CPT1C: variants seen among roughly 807,000 people sequenced by gnomAD.
CPT1C encodes carnitine palmitoyltransferase 1C.
A neutral mutation model predicts 97.3 loss-of-function variants in CPT1C; 61 were observed. The observed-to-expected ratio is 0.63, with a 90% CI of 0.51 to 0.78. The LOEUF (loss-of-function observed/expected upper bound fraction) is 0.78, where lower values mean the gene tolerates loss of function less well. CPT1C is among the 30% of genes least tolerant of loss of function. The pLI is 0.00. For missense variants in CPT1C, 975 were observed against 1,065.5 expected (o/e 0.92, Z 1.18); for synonymous variants, 469 against 447.2 (o/e 1.05, Z -0.61).
In CPT1C at chr19:49,700,764, C is replaced by A; in HGVS notation, c.362C>A (p.Thr121Lys). ...ASCLWGALIFTLHVALRLLLS... is the reference protein window; with the variant it reads ...ASCLWGALIFKLHVALRLLLS... Reference sequence around the variant, plus strand: ...TGTTTGTGGGGAGCCCTGATCTTCACACTGCACGTGGCCCTGAGGCTGCTT... The same window carrying A: ...TGTTTGTGGGGAGCCCTGATCTTCAAACTGCACGTGGCCCTGAGGCTGCTT... The change falls in exon 5 of 20, where the codon ACA becomes AAA. Residue 121 changes from threonine to lysine, a missense_variant. Around this residue, in one of 3 missense-constraint regions of CPT1C, gnomAD observed 596 missense variants for 603.1 expected, o/e 0.99. Transcript: ENST00000598293. 6.2e-7 allele frequency: 1 copy of A among 1,613,314 alleles called. No homozygotes were observed.
chr19:49,706,124 G>C lies in CPT1C; in HGVS notation c.1160+20G>C, dbSNP rs746575054. On this transcript the variant is annotated intron_variant, in intron 11 of 19. Coordinates refer to ENST00000598293, the MANE Select transcript of CPT1C (RefSeq NM_001199753.2). The surrounding 1 kb of genome is among the most constrained non-coding windows in gnomAD (Gnocchi z 4.8). ...TCCCAGGTAAGGGTCAGGGGTCAGG[G>C]GTCAGGGGCTCTCAGAGGCCGCCAG... is the stretch of plus-strand genomic sequence containing the variant. 6.2e-7 allele frequency: 1 copy of C among 1,600,546 alleles called. No individual in the cohort carries two copies. Among genetic ancestry groups the C allele is most frequent in the South Asian group, 1.1e-5 (1 of 90,208 alleles).
chr19:49,705,276 G>A lies in CPT1C; in HGVS notation c.942G>A (p.Thr314=), dbSNP rs1352491511. 15 of 1,603,494 alleles carry A rather than the reference G, an allele frequency of 9.4e-6. No individual in the cohort carries two copies. Among genetic ancestry groups the A allele is most frequent in the Admixed American group, 6.7e-5 (4 of 59,540 alleles). ...AGTACGAGAAGATCTTCAACACCAC[G>A]CGGATTCCAGGGGTCCAAAAAGGTG... The part of the protein sequence containing the change: ...SAQYEKIFNT[T]RIPGVQKDYI... The change falls in exon 10 of 20, where the codon ACG becomes ACA. Residue 314 remains threonine (T), a synonymous_variant. Coordinates refer to ENST00000598293, the MANE Select transcript of CPT1C (RefSeq NM_001199753.2).
Position 49,701,645 on chromosome 19 carries a change from C to T in CPT1C, c.693+11C>T, listed in dbSNP as rs776299670. The T allele has an allele frequency of 5.9e-5, 93 of 1,586,048 alleles. 1 individual carries two copies. In the East Asian group the frequency reaches 2.1e-3, roughly 36 times the overall value. ...TGGGCGTCCAATTATGTGAGTCCCG[C>T]CACCGCCACCAACGCCCCACCTGAA... On this transcript the variant is annotated intron_variant, in intron 7 of 19. Transcript: ENST00000598293.
rs111713532 is a variant in CPT1C at position 49,707,557 on chromosome 19, C to T, written c.1383C>T (p.Asn461=). Residue 461 remains asparagine, a synonymous_variant, in exon 13 of 20, where the codon AAC becomes AAT. Coordinates refer to ENST00000598293, the MANE Select transcript of CPT1C (RefSeq NM_001199753.2). The part of the protein sequence containing the change: ...DKSFTLIVFS[N]GKLGLSVEHS... ...CCTTCACCCTAATCGTCTTCTCTAA[C>T]GGGAAGCTGGGCCTCAGCGTGGAGC... The T allele has an allele frequency of 2.2e-4, 353 of 1,613,958 alleles. 2 individuals carry two copies. The African/African-American group carries it at 3.9e-3, about 18-fold the overall frequency.
intron 16 of CPT1C, 115 bp from the exon 17 acceptor site, chr19:49,711,694 A>G (rs1239042284): frequency 9.1e-7 from 1 of 1,094,912 alleles, no homozygotes; most frequent in African/African-American, 1.6e-5. Context: ...AATGGGGTTG[A>G]TATTCCCACC....
chr19:49,708,883 C>T, intron 14 of CPT1C, 44 bp downstream of exon 14: 2 of 1,246,950 alleles, frequency 1.6e-6, no homozygotes, highest in South Asian at 1.2e-5. Context: ...CCCAAGATTC[C>T]TAGCCTTGAC....
In CPT1C at chr19:49,712,176, C is replaced by G. The variant is rs539912943; in HGVS notation, c.2019+215C>G. The G allele has an allele frequency of 7.2e-6, 4 of 555,126 alleles. No homozygotes were observed. In the African/African-American group the frequency reaches 7.6e-5, roughly 10 times the overall value. The allele number at this position is 555,126 out of a possible 1,614,324, so 34.4% of individuals were successfully genotyped here. ...TGGCCAACTTGGCGAAACCCTGTCTCTACTAAAAATACAAAAATTAGCTGG... is the reference window on the plus strand; with the variant it reads ...TGGCCAACTTGGCGAAACCCTGTCTGTACTAAAAATACAAAAATTAGCTGG... On this transcript the variant is annotated intron_variant, in intron 17 of 19. Coordinates refer to ENST00000598293, the MANE Select transcript of CPT1C (RefSeq NM_001199753.2).
In CPT1C at chr19:49,704,703, C is replaced by A; in HGVS notation, c.694-7C>A. ...CCTCACTGTGTGTCTCCCCACCCCG[C>A]TCCCAGGTCAGTGACTGGTGGGAGG... On this transcript the variant is annotated splice_region_variant and splice_polypyrimidine_tract_variant and intron_variant, in intron 7 of 19. Transcript: ENST00000598293. 6.2e-7 allele frequency: 1 copy of A among 1,613,604 alleles called. No individual in the cohort carries two copies. The highest frequency in any genetic ancestry group is 8.5e-7 in the Non-Finnish European group (1 of 1,179,652).
chr19:49,694,858 T>C (rs1271895509), intron 3 of CPT1C, among the ~76,000 whole-genome samples: 2 of 151,222 alleles, frequency 1.3e-5, no homozygotes, highest in Admixed American at 1.3e-4. Flanking sequence ...TGACCATCCT[T>C]GGCCAGGCAT....
intron 4 of CPT1C, among the ~76,000 whole-genome samples, chr19:49,699,905 G>C (rs2082901428): frequency 6.6e-6 from 1 of 152,066 alleles, no homozygotes; most frequent in Non-Finnish European, 1.5e-5. Context: ...AGTGAGCCGA[G>C]ATAGTGCCAC....
At chr19:49,711,037 GT>G in intron 16 of CPT1C, 180 bp downstream of exon 16, 1 of 569,266 alleles carries the variant, frequency 1.8e-6, no homozygotes, top group Non-Finnish European at 3.0e-6. Flanking sequence ...CCAGCATAGT[GT>G]GATATCTGCT....
Position 49,702,031 on chromosome 19 carries a change from A to AT in CPT1C, c.693+398dup, listed in dbSNP as rs1364280963. ...AAATATATTTATTTATAAATTATAA[A>AT]TATATATTTATTTATAAATTATAAA... On this transcript the variant is annotated intron_variant, in intron 7 of 19. Transcript: ENST00000598293. 6.7e-4 allele frequency among the ~76,000 whole-genome samples: 66 copies of AT among 97,898 alleles called. 1 individual carries two copies. The highest frequency in any genetic ancestry group is 4.7e-3 in the East Asian group (20 of 4,300). The allele number at this position is 97,898 out of a possible 152,430, so 64.2% of individuals were successfully genotyped here.
At chr19:49,704,301 A>G (rs7255621) in intron 7 of CPT1C, among the ~76,000 whole-genome samples, 8,991 of 152,216 alleles carry the variant, frequency 0.059, 843 homozygotes, top group African/African-American at 0.2. Context: ...GCTACCGAGT[A>G]GCCGGGATTA....
chr19:49,712,698 A>G (rs2083982279), intron 17 of CPT1C, 38 bp from the exon 18 acceptor site: 1 of 1,455,298 alleles, frequency 6.9e-7, no homozygotes, highest in Admixed American at 1.7e-5. Flanking sequence ...GGAACTGCAG[A>G]TCTCTGTCCT....
chr19:49,692,657 C>T lies in CPT1C; in HGVS notation c.141+264C>T, dbSNP rs10401426. On this transcript the variant is annotated intron_variant, in intron 3 of 19. Coordinates refer to ENST00000598293, the MANE Select transcript of CPT1C (RefSeq NM_001199753.2). ...TGGGCCCCCCAAAAACTACCCACTT[C>T]CAGTTTCTAGAACTCCATATCCTTC... 5.3e-3 allele frequency among the ~76,000 whole-genome samples: 800 copies of T among 152,292 alleles called. 5 individuals are homozygous for T. Among genetic ancestry groups the T allele is most frequent in the African/African-American group, 0.018 (757 of 41,572 alleles).
At chr19:49,696,003 AGTAGCTG>A (rs2082649679) in intron 3 of CPT1C, among the ~76,000 whole-genome samples, 2 of 151,864 alleles carry the variant, frequency 1.3e-5, no homozygotes, top group South Asian at 4.1e-4. Context: ...TAGCCTCCTG[AGTAGCTG>A]GGATTATAGG....
intron 5 of CPT1C, 55 bp from the exon 6 acceptor site, chr19:49,701,262 G>A: frequency 2.7e-6 from 4 of 1,501,770 alleles, no homozygotes; most frequent in Non-Finnish European, 2.7e-6. Context: ...CCCCTGCCCC[G>A]TCAACTCCCT....
chr19:49,711,937 C>G lies in CPT1C; in HGVS notation c.1995C>G (p.His665Gln), dbSNP rs758567289. The G allele has an allele frequency of 1.1e-5, 18 of 1,613,998 alleles. No individual in the cohort carries two copies. Among genetic ancestry groups the G allele is most frequent in the Non-Finnish European group, 1.5e-5 (18 of 1,179,976 alleles). The change falls in exon 17 of 20, where the codon CAC (histidine) becomes CAG (glutamine). Residue 665 changes from histidine to glutamine, a missense_variant. His to Gln is a conservative substitution (Grantham distance 24, BLOSUM62 0). Around this residue, in one of 3 missense-constraint regions of CPT1C, gnomAD observed 344 missense variants for 395.7 expected, o/e 0.87. Transcript: ENST00000598293. ...FALYIVSRFL[H>Q]LQSPFLTQVH... ...TGTACATCGTGTCCCGATTCCTCCA[C>G]CTGCAGTCGCCCTTCCTGACCCAGG...
At chr19:49,707,199 C>G (rs368396759) in intron 12 of CPT1C, among the ~76,000 whole-genome samples, 49 of 152,110 alleles carry the variant, frequency 3.2e-4, no homozygotes, top group African/African-American at 1.2e-3. Context: ...CACTTGAACC[C>G]TCAGCTACTT....
Sources: allele counts gnomAD v4.1 joint callset (sites outside exome capture counted in the v4.1 genomes callset), GRCh38; gene constraint gnomAD v4.1.1; regional missense constraint gnomAD v4.1.1; non-coding constraint Gnocchi (gnomAD v3.1); transcripts MANE v1.5; gene names NCBI Gene and HGNC (gene_info 2026-07-23, HGNC 2026-07-21).